Variants in CGGBP1 observed in about 807,000 individuals in gnomAD.
CGGBP1 encodes the protein CGG triplet repeat-binding protein 1.
CGGBP1 carries 4 observed loss-of-function variants against 11.4 expected under a neutral mutation model. That is an observed-to-expected ratio of 0.35 (90% CI 0.17 to 0.80). The LOEUF is 0.80. Among genes scored for constraint, CGGBP1 ranks in the 30% least tolerant of loss-of-function variants. The pLI is 0.52. For synonymous variants in CGGBP1, 76 were observed against 74.1 expected, an observed-to-expected ratio of 1.03 and a Z score of -0.13; for missense variants, 135 against 202.1, an observed-to-expected ratio of 0.67 and a Z score of 2.01.
intron 2 of CGGBP1, among the ~76,000 whole-genome samples, chr3:88,074,621 G>A (rs1264124549): frequency 2.0e-5 from 3 of 152,096 alleles, no homozygotes; most frequent in Admixed American, 6.5e-5. Context: ...GATTATAAGC[G>A]TGAGCCACTG....
At chr3:88,141,128 T>C in intron 1 of CGGBP1, 1 of 1,478,458 alleles carries the variant, frequency 6.8e-7, no homozygotes, top group South Asian at 1.4e-5. Flanking sequence ...ATCTTTGAGA[T>C]TTAAAAAATT....
chr3:88,110,269 A>G (rs1044692421), intron 2 of CGGBP1, among the ~76,000 whole-genome samples: 1 of 152,084 alleles, frequency 6.6e-6, no homozygotes, highest in African/African-American at 2.4e-5. Context: ...TCAAACCCAA[A>G]CAGCTAGACC....
chr3:88,130,656 G>C (rs1455955421), intron 2 of CGGBP1, among the ~76,000 whole-genome samples: 2 of 106,586 alleles, frequency 1.9e-5, no homozygotes, highest in African/African-American at 6.9e-5. Context: ...GGGATTCATT[G>C]TTTTGCCCAG....
At chr3:88,076,053 G>A (rs188049629) in intron 2 of CGGBP1, among the ~76,000 whole-genome samples, 44 of 152,254 alleles carry the variant, frequency 2.9e-4, no homozygotes, top group Admixed American at 2.4e-3. Context: ...GTATGTTGTC[G>A]TTTGTGGTAA....
intron 2 of CGGBP1, among the ~76,000 whole-genome samples, chr3:88,113,539 T>C (rs1164652496): frequency 6.6e-6 from 1 of 152,166 alleles, no homozygotes; most frequent in African/African-American, 2.4e-5. Flanking sequence ...TTCCCTTGGC[T>C]GTACCTTGAT....
chr3:88,138,904 A>G (rs2042281325), intron 2 of CGGBP1: 8 of 1,234,552 alleles, frequency 6.5e-6, no homozygotes, highest in Non-Finnish European at 8.1e-6. Flanking sequence ...CGTACTGTTG[A>G]AGAGCTTTAC....
At chr3:88,066,549 G>C (rs1424410930) in intron 2 of CGGBP1, among the ~76,000 whole-genome samples, 1 of 151,748 alleles carries the variant, frequency 6.6e-6, no homozygotes, top group East Asian at 1.9e-4. Context: ...CTGACAGAGC[G>C]AGACTGTGTA....
rs137950547 is a variant in CGGBP1, at chr3:88,133,976, G to A, written c.-229+6994C>T. Among the ~76,000 whole-genome samples, 72 of 152,162 alleles carry A rather than the reference G, an allele frequency of 4.7e-4. No homozygotes were observed. The East Asian group carries it at 0.012, about 24-fold the overall frequency. The stretch of plus-strand genomic sequence containing the variant: ...GTTTTGCAGGAATATGATTAGTTCT[G>A]AGTGGGTTCAGGTGATGGAAAGCAA... On this transcript the variant is annotated intron_variant, in intron 2 of 3. Coordinates refer to the CGGBP1 transcript ENST00000462901.
chr3:88,051,969 A>G lies in CGGBP1; in HGVS notation c.*3504T>C, dbSNP rs1350614239. 6.6e-6 allele frequency: 1 copy of G among 152,442 alleles called. No individual in the cohort carries two copies. Among genetic ancestry groups the G allele is most frequent in the Non-Finnish European group, 1.5e-5 (1 of 68,016 alleles). The allele number at this position is 152,442 out of a possible 1,614,324, so 9.4% of individuals were successfully genotyped here. A position where few individuals can be genotyped will look rare whatever the true frequency, so the allele number is the denominator to read the frequency against. On this transcript the variant is annotated 3_prime_UTR_variant, in exon 4 of 4. Coordinates refer to ENST00000482016, the MANE Select transcript of CGGBP1 (RefSeq NM_001008390.2). ...TTCTGCTGTTTTGTAATCAGGAAATATATTTGTCATTGACTCACAAAACAA... is the reference window on the plus strand; with the variant it reads ...TTCTGCTGTTTTGTAATCAGGAAATGTATTTGTCATTGACTCACAAAACAA...
At chr3:88,103,197 G>C (rs1463532893) in intron 2 of CGGBP1, among the ~76,000 whole-genome samples, 3 of 152,012 alleles carry the variant, frequency 2.0e-5, no homozygotes, top group African/African-American at 7.3e-5. Context: ...CCCCTATTAA[G>C]AGATAAAGCA....
intron 2 of CGGBP1, among the ~76,000 whole-genome samples, chr3:88,133,552 G>A (rs2107857547): frequency 6.6e-6 from 1 of 152,122 alleles, no homozygotes; most frequent in South Asian, 2.1e-4. Flanking sequence ...GCCTTTGAAA[G>A]ATAAGTTCAT....
chr3:88,075,205 G>A (rs927387983), intron 2 of CGGBP1, among the ~76,000 whole-genome samples: 4 of 152,138 alleles, frequency 2.6e-5, no homozygotes, highest in African/African-American at 4.8e-5. Flanking sequence ...AATCTGTTGA[G>A]TGGCACCACT....
At chr3:88,066,386 C>A (rs1023032511) in intron 2 of CGGBP1, among the ~76,000 whole-genome samples, 2 of 152,054 alleles carry the variant, frequency 1.3e-5, no homozygotes, top group African/African-American at 4.8e-5. Context: ...CCAGCCTGGG[C>A]AACATGGTGA....
chr3:88,112,953 T>A (rs940155263), intron 2 of CGGBP1, among the ~76,000 whole-genome samples: 2 of 152,128 alleles, frequency 1.3e-5, no homozygotes, highest in African/African-American at 4.8e-5. Context: ...TCTTTTAAAA[T>A]CTTACAGAAA....
intron 2 of CGGBP1, among the ~76,000 whole-genome samples, chr3:88,099,175 T>G (rs1448327107): frequency 6.6e-6 from 1 of 152,144 alleles, no homozygotes; most frequent in African/African-American, 2.4e-5. Context: ...ATCACAAGCA[T>G]TCCTCTACAC....
intron 2 of CGGBP1, among the ~76,000 whole-genome samples, chr3:88,106,246 A>G (rs1431935295): frequency 6.6e-6 from 1 of 152,186 alleles, no homozygotes; most frequent in African/African-American, 2.4e-5. Context: ...CCTACTTTCT[A>G]TAAATTAGTT....
intron 2 of CGGBP1, among the ~76,000 whole-genome samples, chr3:88,098,926 A>G (rs140962721): frequency 6.6e-6 from 1 of 152,334 alleles, no homozygotes; most frequent in African/African-American, 2.4e-5. Flanking sequence ...AAGCTGGCAC[A>G]AGCAGGGATG....
intron 2 of CGGBP1, among the ~76,000 whole-genome samples, chr3:88,117,613 G>GA (rs1422589400): frequency 2.0e-5 from 3 of 151,922 alleles, no homozygotes; most frequent in East Asian, 1.9e-4. Context: ...CTGACCTGAG[G>GA]AAAAAATAAG....
At chr3:88,067,883 T>C (rs1262415334) in intron 2 of CGGBP1, among the ~76,000 whole-genome samples, 5 of 151,470 alleles carry the variant, frequency 3.3e-5, no homozygotes, top group Admixed American at 3.3e-4. Flanking sequence ...TTTTCTTTTC[T>C]TTCTTTTTTT....
Sources: allele counts gnomAD v4.1 joint callset (sites outside exome capture counted in the v4.1 genomes callset), GRCh38; gene constraint gnomAD v4.1.1; transcripts MANE v1.5; gene names NCBI Gene and HGNC (gene_info 2026-07-23, HGNC 2026-07-21).